FAM153A: variants seen among roughly 807,000 people sequenced by gnomAD.
FAM153A encodes the protein family with sequence similarity 153 member A.
A neutral mutation model predicts 48.1 loss-of-function variants in FAM153A; 12 were observed. The ratio of observed to expected loss-of-function variants is 0.25; its 90% CI spans 0.16 to 0.40. The LOEUF (loss-of-function observed/expected upper bound fraction) is 0.40, where lower values mean the gene tolerates loss of function less well. FAM153A is among the 10% of genes least tolerant of loss of function. The pLI, the probability that FAM153A is intolerant of heterozygous loss-of-function variation, is 1.00. For synonymous variants in FAM153A, 36 were observed against 118.2 expected, an observed-to-expected ratio of 0.30 and a Z score of 4.51; for missense variants, 111 against 345.8, an observed-to-expected ratio of 0.32 and a Z score of 5.38.
At chr5:177,781,885 A>ATTTTT (rs1278832484), upstream of FAM153A, among the ~76,000 whole-genome samples, 24 of 67,238 alleles carry the variant, frequency 3.6e-4, no homozygotes, top group African/African-American at 1.3e-3. Flanking sequence ...CGCCCGGCTA[A>ATTTTT]TTTTTTTTTT....
upstream of FAM153A, among the ~76,000 whole-genome samples, chr5:177,781,887 T>C (rs1315764851): frequency 0.013 from 821 of 62,230 alleles, 4 homozygotes; most frequent in Middle Eastern, 0.063. Flanking sequence ...CCCGGCTAAT[T>C]TTTTTTTTTT....
At chr5:177,759,502 A>C (rs1178572509) in intron 1 of FAM153A, among the ~76,000 whole-genome samples, 1 of 151,666 alleles carries the variant, frequency 6.6e-6, no homozygotes, top group Non-Finnish European at 1.5e-5. Flanking sequence ...TGCTGCTATA[A>C]AGACATGCAC....
At chr5:177,713,035 A>G (rs1369405522) in exon 27 of FAM153A, 2 of 151,938 alleles carry the variant, frequency 1.3e-5, no homozygotes, top group Admixed American at 6.6e-5. Flanking sequence ...AAGCCAGAAA[A>G]TGTTTATTAA....
At chr5:177,705,001 A>G (rs1399473469), downstream of FAM153A, among the ~76,000 whole-genome samples, 3 of 111,202 alleles carry the variant, frequency 2.7e-5, no homozygotes, top group Non-Finnish European at 5.8e-5. Context: ...ACTCCATCTC[A>G]AAAAAAAAAA....
At chr5:177,781,383 A>G (rs1227662038), upstream of FAM153A, among the ~76,000 whole-genome samples, 1 of 143,050 alleles carries the variant, frequency 7.0e-6, no homozygotes, top group Non-Finnish European at 1.5e-5. Flanking sequence ...GGCCTCCCAA[A>G]GTGCTGGGAT....
chr5:177,713,622 G>T (rs1758955507), intron 26 of FAM153A: 2 of 151,740 alleles, frequency 1.3e-5, no homozygotes, highest in Admixed American at 1.3e-4. Context: ...TGGCCAGGAT[G>T]GTCTCTATCT....
At chr5:177,781,264 ATTTTTTTT>A (rs1303137176), upstream of FAM153A, among the ~76,000 whole-genome samples, 6 of 75,276 alleles carry the variant, frequency 8.0e-5, no homozygotes, top group African/African-American at 1.8e-4. Context: ...ACGCCCGGCT[ATTTTTTTT>A]TTTTTTTTTT....
the FAM153A span, among the ~76,000 whole-genome samples, chr5:177,698,639 C>A: frequency 6.6e-6 from 1 of 151,812 alleles, no homozygotes; most frequent in East Asian, 1.9e-4. Flanking sequence ...AATAAACTGT[C>A]ACTATTATCC....
chr5:177,705,487 G>C (rs1757795373), downstream of FAM153A, among the ~76,000 whole-genome samples: 1 of 151,012 alleles, frequency 6.6e-6, no homozygotes, highest in Non-Finnish European at 1.5e-5. Flanking sequence ...TAAACCTCTT[G>C]TCTTTATAAA....
chr5:177,758,964 A>G (rs1768029707), intron 1 of FAM153A, among the ~76,000 whole-genome samples: 1 of 151,844 alleles, frequency 6.6e-6, no homozygotes. Context: ...TGAAAGCCAA[A>G]ATTAACAAAT....
At chr5:177,710,859 G>C (rs1382816461), downstream of FAM153A, among the ~76,000 whole-genome samples, 1 of 149,114 alleles carries the variant, frequency 6.7e-6, no homozygotes, top group Non-Finnish European at 1.5e-5. Flanking sequence ...GTTTCACCAT[G>C]TTGGCCAGGC....
At chr5:177,738,179 T>G (rs1465322784) in intron 10 of FAM153A, among the ~76,000 whole-genome samples, 1 of 151,404 alleles carries the variant, frequency 6.6e-6, no homozygotes, top group African/African-American at 2.5e-5. Context: ...ACCCAAGTTT[T>G]TCCTTCGGTT....
chr5:177,709,113 AAAAAAAAAAAAAAAAAAAAGAAAG>A (rs1758133136), downstream of FAM153A, among the ~76,000 whole-genome samples: 3 of 120,464 alleles, frequency 2.5e-5, no homozygotes, highest in African/African-American at 6.4e-5. Flanking sequence ...AAAAAAAAAA[AAAAAAAAAAAAAAAAAAAAGAAAG>A]AAAAGCCTAG....
chr5:177,736,579 A>C (rs2014864), exon 12 of FAM153A: 9 of 1,223,862 alleles, frequency 7.4e-6, no homozygotes, highest in Non-Finnish European at 9.9e-6. Flanking sequence ...GAATACGTAC[A>C]TTCGGCCAGT....
downstream of FAM153A, among the ~76,000 whole-genome samples, chr5:177,707,268 T>C (rs1757955229): frequency 6.6e-6 from 1 of 151,932 alleles, no homozygotes; most frequent in Non-Finnish European, 1.5e-5. Context: ...TTCTCCAGGA[T>C]AGACCACATT....
At chr5:177,754,999 C>T (rs1268231641), upstream of FAM153A, among the ~76,000 whole-genome samples, 10 of 151,792 alleles carry the variant, frequency 6.6e-5, 1 homozygote, top group African/African-American at 1.5e-4. Context: ...ATGACTTTGA[C>T]GAGTAGAGAA....
chr5:177,714,160 TTTCTC>T, intron 25 of FAM153A: 1 of 151,158 alleles, frequency 6.6e-6, no homozygotes, highest in South Asian at 2.1e-4. Flanking sequence ...CAAGAATGTC[TTTCTC>T]TTCTCTTTTT....
At chr5:177,694,934 A>AT in the FAM153A span, among the ~76,000 whole-genome samples, 9 of 151,642 alleles carry the variant, frequency 5.9e-5, no homozygotes, top group South Asian at 2.1e-4. Flanking sequence ...TAGGTTTTTT[A>AT]TTTTTTTGGA....
upstream of FAM153A, among the ~76,000 whole-genome samples, chr5:177,754,535 C>T (rs1767488566): frequency 6.6e-6 from 1 of 151,922 alleles, no homozygotes; most frequent in Non-Finnish European, 1.5e-5. Flanking sequence ...GACAGACTGC[C>T]TCCTCAAGTG....
Sources: gnomAD v4.1 joint callset for allele counts (sites outside exome capture counted in the v4.1 genomes callset) on GRCh38, gnomAD v4.1.1 for gene constraint, MANE v1.5 for transcripts, NCBI Gene and HGNC (gene_info 2026-07-23, HGNC 2026-07-21) for gene names.